TUSC3: variants seen among roughly 807,000 people sequenced by gnomAD.
The protein encoded by TUSC3 is tumor suppressor candidate 3.
A neutral mutation model predicts 44.8 loss-of-function variants in TUSC3; 45 were observed. That is an observed-to-expected ratio of 1.00 (90% CI 0.79 to 1.29). The LOEUF is 1.29. TUSC3 is among the 50% of genes most tolerant of loss of function. The probability of loss-of-function intolerance (pLI) is 0.00; values close to 1 mark genes in which losing one functional copy is unlikely to be tolerated. For synonymous variants in TUSC3, 212 were observed against 152.9 expected, an observed-to-expected ratio of 1.39 and a Z score of -2.85; for missense variants, 519 against 437.9, an observed-to-expected ratio of 1.19 and a Z score of -1.65.
chr8:15,486,920 A>G (rs2129125388), intron 2 of TUSC3, among the ~76,000 whole-genome samples: 1 of 152,306 alleles, frequency 6.6e-6, no homozygotes, highest in East Asian at 1.9e-4. Context: ...TATTTTTCTA[A>G]TCACTTAAAT....
chr8:15,849,890 C>T, the TUSC3 span, among the ~76,000 whole-genome samples: 1 of 152,090 alleles, frequency 6.6e-6, no homozygotes, highest in Non-Finnish European at 1.5e-5. Context: ...CGGAGCATCA[C>T]TCTCAAAGTG....
At chr8:15,777,127 G>A in the TUSC3 span, among the ~76,000 whole-genome samples, 1 of 152,032 alleles carries the variant, frequency 6.6e-6, no homozygotes, top group Non-Finnish European at 1.5e-5. Context: ...ACTTTTCCTG[G>A]CCTCCTCTTA....
intron 2 of TUSC3, among the ~76,000 whole-genome samples, chr8:15,623,683 G>A (rs1805354791): frequency 6.6e-6 from 1 of 151,916 alleles, no homozygotes; most frequent in Admixed American, 6.6e-5. Context: ...AGTTTTAAAT[G>A]AATGAAATGT....
chr8:15,504,619 ATAT>A (rs1433253615), intron 2 of TUSC3, among the ~76,000 whole-genome samples: 2 of 16,394 alleles, frequency 1.2e-4, no homozygotes, highest in Non-Finnish European at 1.8e-4. Context: ...ATATATATAT[ATAT>A]TTTTTTTTTT....
At chr8:15,692,156 A>G (rs1358368699) in intron 6 of TUSC3, among the ~76,000 whole-genome samples, 1 of 152,166 alleles carries the variant, frequency 6.6e-6, no homozygotes, top group Non-Finnish European at 1.5e-5. Context: ...CCAACATTGC[A>G]TACCAGGGAT....
intron 1 of TUSC3, among the ~76,000 whole-genome samples, chr8:15,586,236 TAAG>T (rs139971463): frequency 0.021 from 3,134 of 152,226 alleles, 93 homozygotes; most frequent in African/African-American, 0.07. Context: ...TGTTGTGAGT[TAAG>T]AAGTGAATTC....
At position 15,730,732 on chromosome 8, in the gene TUSC3, A is replaced by G; in HGVS notation, c.862+3A>G. 2.5e-6 allele frequency: 4 copies of G among 1,612,950 alleles called. No homozygotes were observed. Among genetic ancestry groups the G allele is most frequent in the Non-Finnish European group, 2.5e-6 (3 of 1,179,256 alleles). On this transcript the variant is annotated splice_donor_region_variant and intron_variant, in intron 7 of 10. Coordinates refer to ENST00000503731, the MANE Select transcript of TUSC3 (RefSeq NM_006765.4). ...ATCACACATTATTCTGGTACTGAGTATCCTTTTAAGATACCGACGAATTGA... is the reference window on the plus strand; with the variant it reads ...ATCACACATTATTCTGGTACTGAGTGTCCTTTTAAGATACCGACGAATTGA...
At chr8:15,519,356 T>C (rs1801263473) in intron 2 of TUSC3, among the ~76,000 whole-genome samples, 1 of 152,184 alleles carries the variant, frequency 6.6e-6, no homozygotes, top group African/African-American at 2.4e-5. Flanking sequence ...TTTTCTTTGT[T>C]ACAGCTATAT....
intron 5 of TUSC3, among the ~76,000 whole-genome samples, chr8:15,671,480 A>G (rs1027391318): frequency 1.3e-5 from 2 of 152,018 alleles, no homozygotes; most frequent in African/African-American, 4.8e-5. Context: ...GCATTTTAGA[A>G]GTGCATGTTA....
the TUSC3 span, among the ~76,000 whole-genome samples, chr8:15,794,216 G>T: frequency 6.6e-6 from 1 of 152,140 alleles, no homozygotes; most frequent in African/African-American, 2.4e-5. Flanking sequence ...TCTCTTCTTG[G>T]TCGTTTTTTG....
chr8:15,622,979 T>A, intron 1 of TUSC3, 101 bp from the exon 2 acceptor site: 3 of 1,179,514 alleles, frequency 2.5e-6, no homozygotes, highest in Non-Finnish European at 3.6e-6. Context: ...AACTTGGATA[T>A]CATTAGGAAA....
At chr8:15,572,133 G>A (rs1226066761) in intron 1 of TUSC3, among the ~76,000 whole-genome samples, 1 of 152,134 alleles carries the variant, frequency 6.6e-6, no homozygotes, top group African/African-American at 2.4e-5. Flanking sequence ...TCTAGCCATG[G>A]CATCGCCTTC....
chr8:15,730,099 A>G (rs999197951), intron 6 of TUSC3, among the ~76,000 whole-genome samples: 1 of 152,178 alleles, frequency 6.6e-6, no homozygotes, highest in Non-Finnish European at 1.5e-5. Context: ...TTAGAAGCCA[A>G]ATAATCTAGA....
intron 1 of TUSC3, chr8:15,417,384 T>TA (rs36018752): frequency 6.6e-6 from 1 of 152,258 alleles, no homozygotes; most frequent in African/African-American, 2.4e-5. Flanking sequence ...AACAGACTGA[T>TA]ACAGAGAATA....
intron 6 of TUSC3, among the ~76,000 whole-genome samples, chr8:15,720,667 C>T (rs920417497): frequency 6.6e-6 from 1 of 152,060 alleles, no homozygotes; most frequent in African/African-American, 2.4e-5. Flanking sequence ...ATTTCTAAAG[C>T]TGCTGGCATT....
intron 2 of TUSC3, among the ~76,000 whole-genome samples, chr8:15,534,672 A>C (rs970205574): frequency 6.6e-6 from 1 of 151,964 alleles, no homozygotes; most frequent in Non-Finnish European, 1.5e-5. Flanking sequence ...ACTTCAGCCA[A>C]ATTAAATTTA....
the TUSC3 span, among the ~76,000 whole-genome samples, chr8:15,781,144 T>C: frequency 6.6e-6 from 1 of 152,120 alleles, no homozygotes; most frequent in Non-Finnish European, 1.5e-5. Flanking sequence ...GGTCTGCCCA[T>C]TTTTCCTGGA....
intron 1 of TUSC3, among the ~76,000 whole-genome samples, chr8:15,425,857 A>C (rs1267719197): frequency 6.6e-6 from 1 of 152,112 alleles, no homozygotes; most frequent in East Asian, 1.9e-4. Flanking sequence ...TCATAATTAA[A>C]ATAGAAAAAT....
the TUSC3 span, among the ~76,000 whole-genome samples, chr8:15,785,236 ATCTG>A: frequency 6.6e-6 from 1 of 152,200 alleles, no homozygotes; most frequent in Non-Finnish European, 1.5e-5. Context: ...TAAAAAGAAG[ATCTG>A]TTACCTATAT....
Sources: gnomAD v4.1 joint callset for allele counts (sites outside exome capture counted in the v4.1 genomes callset) on GRCh38, gnomAD v4.1.1 for gene constraint, MANE v1.5 for transcripts, NCBI Gene and HGNC (gene_info 2026-07-23, HGNC 2026-07-21) for gene names.